DAB1: variants seen among roughly 807,000 people sequenced by gnomAD.
The protein encoded by DAB1 is DAB adaptor protein 1.
In DAB1, 15 loss-of-function variants were observed where a neutral mutation model predicts 64.6. The observed-to-expected ratio is 0.23, with a 90% CI of 0.16 to 0.36. The LOEUF (loss-of-function observed/expected upper bound fraction) is 0.36, where lower values mean the gene tolerates loss of function less well. Among genes scored for constraint, DAB1 ranks in the 10% least tolerant of loss-of-function variants. DAB1 has a pLI of 1.00. For synonymous variants in DAB1, 235 were observed against 251.9 expected, an observed-to-expected ratio of 0.93 and a Z score of 0.64; for missense variants, 596 against 706.7, an observed-to-expected ratio of 0.84 and a Z score of 1.78.
chr1:58,074,228 A>T (rs1326727054), intron 5 of DAB1, among the ~76,000 whole-genome samples: 2 of 152,010 alleles, frequency 1.3e-5, no homozygotes, highest in South Asian at 4.2e-4. Flanking sequence ...ATATCATGAG[A>T]GATGTTACTA....
intron 4 of DAB1, among the ~76,000 whole-genome samples, chr1:58,233,035 G>A (rs1276546669): frequency 2.0e-5 from 3 of 152,166 alleles, no homozygotes; most frequent in Non-Finnish European, 4.4e-5. Flanking sequence ...GCACATAGTA[G>A]AGACTCAATA....
At position 58,128,498 on chromosome 1, in the gene DAB1, A is replaced by G. The variant is rs1273897443; in HGVS notation, n.387+22013T>C. ...GCCAGAACGTCCAACACTATGTTGA[A>G]TAGGAGTGGTGAGAGAGGGCATCCC... is the stretch of plus-strand genomic sequence containing the variant. On this transcript the variant is annotated intron_variant and non_coding_transcript_variant, in intron 5 of 20. Coordinates refer to the DAB1 transcript ENST00000485760. Among the ~76,000 whole-genome samples, 4 of 132,606 alleles carry G rather than the reference A, an allele frequency of 3.0e-5. 1 individual carries two copies. Among genetic ancestry groups the G allele is most frequent in the African/African-American group, 1.2e-4 (4 of 33,520 alleles). 87.0% of individuals were successfully genotyped at this position (132,606 alleles called of 152,430 possible). A position where few individuals can be genotyped will look rare whatever the true frequency, so the allele number is the denominator to read the frequency against.
intron 2 of DAB1, among the ~76,000 whole-genome samples, chr1:57,183,152 G>A (rs777918710): frequency 3.3e-5 from 5 of 152,104 alleles, no homozygotes; most frequent in Non-Finnish European, 5.9e-5. Flanking sequence ...TGAAGAGGGA[G>A]TGAGGGGCCT....
At chr1:58,366,134 A>G (rs1285324628) in intron 3 of DAB1, among the ~76,000 whole-genome samples, 4 of 152,288 alleles carry the variant, frequency 2.6e-5, no homozygotes, top group African/African-American at 9.6e-5. Flanking sequence ...TGGCAAGTTG[A>G]CTAGCTGGGC....
intron 9 of DAB1, among the ~76,000 whole-genome samples, chr1:57,043,622 G>A (rs1197211328): frequency 6.6e-6 from 1 of 152,068 alleles, no homozygotes; most frequent in Non-Finnish European, 1.5e-5. Flanking sequence ...TGAGGCGGGC[G>A]GATCACCTGA....
At chr1:58,527,456 C>T in intron 1 of DAB1, 1 of 610,028 alleles carries the variant, frequency 1.6e-6, no homozygotes. Context: ...CCTATACTGT[C>T]TACTAACATT....
In DAB1 at chr1:57,408,889, C is replaced by T. The variant is rs192799619; in HGVS notation, c.-137+15041G>A. On this transcript the variant is annotated intron_variant, in intron 1 of 14. Coordinates refer to ENST00000371236, the MANE Select transcript of DAB1 (RefSeq NM_001365792.1). ...GTTGATCTTAACCACATTTCTTAGG[C>T]GCCCTTGTCAGCTGATTTCCAGTTA... Among the ~76,000 whole-genome samples, 15 of 152,256 alleles carry T rather than the reference C, an allele frequency of 9.9e-5. No individual in the cohort carries two copies. The East Asian group carries it at 1.4e-3, about 14-fold the overall frequency.
At chr1:57,166,352 A>G (rs1661209175) in intron 2 of DAB1, among the ~76,000 whole-genome samples, 1 of 152,206 alleles carries the variant, frequency 6.6e-6, no homozygotes, top group South Asian at 2.1e-4. Context: ...AAAAAAGAAG[A>G]AGAAAAGAGA....
In DAB1 at chr1:57,159,173, G is replaced by GT. The variant is rs372634194; in HGVS notation, c.68-13745dup. On this transcript the variant is annotated intron_variant, in intron 2 of 14. Transcript: ENST00000371236. ...AAAGGTCTACTAGTATTTATTTCAG[G>GT]TTTTTTTTTTCTTCCTCTGGGTCTT... Among the ~76,000 whole-genome samples the GT allele has an allele frequency of 6.0e-4, 90 of 149,516 alleles. 1 individual carries two copies. The highest frequency in any genetic ancestry group is 1.7e-3 in the African/African-American group (68 of 40,782).
intron 3 of DAB1, among the ~76,000 whole-genome samples, chr1:58,496,702 C>T (rs1296733441): frequency 1.3e-5 from 2 of 152,130 alleles, no homozygotes; most frequent in Non-Finnish European, 2.9e-5. Flanking sequence ...AACTCTTGTA[C>T]ACTTACCGTT....
intron 1 of DAB1, among the ~76,000 whole-genome samples, chr1:57,393,333 G>A (rs969156665): frequency 2.0e-5 from 3 of 152,120 alleles, no homozygotes; most frequent in Non-Finnish European, 4.4e-5. Flanking sequence ...CTTCAGCATA[G>A]GGATCTGATT....
intron 4 of DAB1, among the ~76,000 whole-genome samples, chr1:58,319,820 A>G (rs1468689712): frequency 6.6e-6 from 1 of 152,180 alleles, no homozygotes; most frequent in Non-Finnish European, 1.5e-5. Flanking sequence ...TAAGTGTCCA[A>G]TATCTTTCTC....
intron 6 of DAB1, among the ~76,000 whole-genome samples, chr1:57,683,151 C>A (rs1646656337): frequency 1.3e-5 from 2 of 152,166 alleles, no homozygotes; most frequent in African/African-American, 4.8e-5. Flanking sequence ...AGGAGGAGCC[C>A]CTACTCTTAG....
intron 4 of DAB1, among the ~76,000 whole-genome samples, chr1:57,134,397 C>A (rs1330022584): frequency 1.3e-5 from 2 of 151,856 alleles, no homozygotes; most frequent in Admixed American, 6.6e-5. Context: ...ACCAGCCTGG[C>A]CAACATGGTG....
intron 7 of DAB1, among the ~76,000 whole-genome samples, chr1:57,462,098 G>A (rs2101182197): frequency 6.6e-6 from 1 of 151,720 alleles, no homozygotes; most frequent in South Asian, 2.1e-4. Flanking sequence ...GGAGGTGCCT[G>A]CCACCACGCC....
chr1:58,451,903 T>C (rs1041735305), intron 3 of DAB1, among the ~76,000 whole-genome samples: 1 of 149,886 alleles, frequency 6.7e-6, no homozygotes, highest in African/African-American at 2.5e-5. Flanking sequence ...AAGCAAAGCA[T>C]CCACTTTTTT....
chr1:57,068,310 G>T (rs1301933756), intron 8 of DAB1, among the ~76,000 whole-genome samples: 1 of 152,092 alleles, frequency 6.6e-6, no homozygotes. Context: ...TTTGAAAAAA[G>T]TCTCAAAGCA....
At chr1:57,691,283 A>G (rs1364861917) in intron 6 of DAB1, among the ~76,000 whole-genome samples, 2 of 152,136 alleles carry the variant, frequency 1.3e-5, no homozygotes, top group Non-Finnish European at 2.9e-5. Context: ...AAACACACCA[A>G]TCAGCACTCT....
At chr1:57,442,271 G>A (rs1177479896) in intron 7 of DAB1, among the ~76,000 whole-genome samples, 1 of 152,180 alleles carries the variant, frequency 6.6e-6, no homozygotes, top group Non-Finnish European at 1.5e-5. Context: ...ATATGGTAAT[G>A]TAATAAATCA....
Sources: gnomAD v4.1 joint callset for allele counts (sites outside exome capture counted in the v4.1 genomes callset) on GRCh38, gnomAD v4.1.1 for gene constraint, MANE v1.5 for transcripts, NCBI Gene and HGNC (gene_info 2026-07-23, HGNC 2026-07-21) for gene names.